The following ARMH2 variants were observed in gnomAD, a reference collection of about 807,000 sequenced individuals.
The protein encoded by ARMH2 is armadillo like helical domain containing 2, also known as armadillo-like helical domain-containing protein 2.
A neutral mutation model predicts 9.0 loss-of-function variants in ARMH2; 5 were observed. The ratio of observed to expected loss-of-function variants is 0.56; its 90% CI spans 0.29 to 1.17. The LOEUF (loss-of-function observed/expected upper bound fraction) is 1.17, where lower values mean the gene tolerates loss of function less well. Ranked by LOEUF, ARMH2 falls within the 50% of genes most tolerant of loss-of-function variation. The pLI is 0.08. For missense variants in ARMH2, 236 were observed against 268.3 expected (o/e 0.88, Z 0.84); for synonymous variants, 74 against 93.1 (o/e 0.79, Z 1.18).
At chr6:24,798,211 G>C (rs887913105) in intron 1 of ARMH2, among the ~76,000 whole-genome samples, 1 of 152,002 alleles carries the variant, frequency 6.6e-6, no homozygotes, top group African/African-American at 2.4e-5. Flanking sequence ...CTGCCTCCCG[G>C]GTTCAAGCGA....
chr6:24,797,667 G>T lies in ARMH2; in HGVS notation c.436C>A (p.Pro146Thr). ...QKRAKSLQFI[P>T]ILISFFEGRF... is the part of the protein sequence containing the mutation. ...CCTTCAAAAAAACTAATGAGAATAG[G>T]AATAAATTGCAGACTTTTGGCTCTT... The change falls in exon 2 of 2, where the codon CCT becomes ACT. Residue 146 changes from proline (P) to threonine (T), a missense_variant. Physicochemically the swap from Pro to Thr is conservative, Grantham distance 38. Transcript: ENST00000565469. 1 of 1,535,422 alleles carries T rather than the reference G, an allele frequency of 6.5e-7. No homozygotes were observed. Among genetic ancestry groups the T allele is most frequent in the Non-Finnish European group, 8.7e-7 (1 of 1,146,728 alleles).
chr6:24,797,840 G>A lies in ARMH2; in HGVS notation c.266-3C>T, dbSNP rs947294598. On this transcript the variant is annotated splice_region_variant and splice_polypyrimidine_tract_variant and intron_variant, in intron 1 of 1. Transcript: ENST00000565469. ...AAAGTTCCCAGCAGGTGGTCCTCCT[G>A]TAAAACAAGCATTTGCATTTCCAGA... 14 of 1,530,272 alleles carry A rather than the reference G, an allele frequency of 9.1e-6. No homozygotes were observed. In the African/African-American group the frequency reaches 1.7e-4, roughly 18 times the overall value. The allele number at this position is 1,530,272 out of a possible 1,614,324, so 94.8% of individuals were successfully genotyped here. A position where few individuals can be genotyped will look rare whatever the true frequency, so the allele number is the denominator to read the frequency against.
At chr6:24,797,920 T>C (rs76177284) in intron 1 of ARMH2, 83 bp from the exon 2 acceptor site, 1 of 1,374,768 alleles carries the variant, frequency 7.3e-7, no homozygotes, top group East Asian at 2.5e-5. Context: ...TATGTTCATA[T>C]TCTTGTTGCC....
At chr6:24,798,497 AT>A in intron 1 of ARMH2, 95 bp downstream of exon 1, 15 of 1,316,600 alleles carry the variant, frequency 1.1e-5, no homozygotes, top group Non-Finnish European at 1.4e-5. Context: ...TGTTATCAGA[AT>A]TTTAAGATTA....
At chr6:24,798,219 C>T (rs765051403) in intron 1 of ARMH2, among the ~76,000 whole-genome samples, 1 of 152,016 alleles carries the variant, frequency 6.6e-6, no homozygotes, top group African/African-American at 2.4e-5. Context: ...CGGGTTCAAG[C>T]GATTCTCCTA....
chr6:24,798,554 G>A (rs775021240), intron 1 of ARMH2, 39 bp downstream of exon 1: 77 of 1,490,632 alleles, frequency 5.2e-5, no homozygotes, highest in Middle Eastern at 3.5e-4. Context: ...AATGAGTGTC[G>A]TGAAACACTC....
At chr6:24,798,445 C>T (rs1780513245) in intron 1 of ARMH2, 148 bp downstream of exon 1, 5 of 1,013,190 alleles carry the variant, frequency 4.9e-6, no homozygotes, top group Non-Finnish European at 5.6e-6. Flanking sequence ...GTGAATAAAA[C>T]CTGGTTGTGT....
chr6:24,798,547 G>A, intron 1 of ARMH2, 46 bp downstream of exon 1: 1 of 1,482,882 alleles, frequency 6.7e-7, no homozygotes, highest in Non-Finnish European at 8.9e-7. Context: ...GTTATAAAAT[G>A]AGTGTCGTGA....
chr6:24,797,766 A>G lies in ARMH2; in HGVS notation c.337T>C (p.Leu113=), dbSNP rs1780502563. The change falls in exon 2 of 2, where the codon TTG becomes CTG. Residue 113 remains leucine, a synonymous_variant. Transcript: ENST00000565469. ...AGCAGGATCTTTATTTTTGGTGCCAACTCCTCATCTTGCAACAAGTGAGCC... is the reference window on the plus strand; with the variant it reads ...AGCAGGATCTTTATTTTTGGTGCCAGCTCCTCATCTTGCAACAAGTGAGCC... ...EVAHLLQDEE[L]APKIKILLLQ... The G allele has an allele frequency of 1.0e-5, 16 of 1,535,260 alleles. No homozygotes were observed. Among genetic ancestry groups the G allele is most frequent in the African/African-American group, 1.4e-5 (1 of 73,074 alleles).
chr6:24,798,180 G>A (rs1157338981), intron 1 of ARMH2, among the ~76,000 whole-genome samples: 20 of 151,740 alleles, frequency 1.3e-4, no homozygotes, highest in African/African-American at 3.9e-4. Flanking sequence ...GCAATGGCAC[G>A]ATCTCAGCTC....
At chr6:24,797,916 C>T in intron 1 of ARMH2, 79 bp from the exon 2 acceptor site, 2 of 1,391,638 alleles carry the variant, frequency 1.4e-6, no homozygotes, top group Non-Finnish European at 1.9e-6. Context: ...CTTATATGTT[C>T]ATATTCTTGT....
At chr6:24,798,507 T>G in intron 1 of ARMH2, 86 bp downstream of exon 1, 1 of 1,360,086 alleles carries the variant, frequency 7.4e-7, no homozygotes, top group South Asian at 1.5e-5. Flanking sequence ...ATTTTAAGAT[T>G]ACAGCTAAGA....
rs763844447 is a variant in ARMH2, at chr6:24,797,481, C to T, written c.622G>A (p.Glu208Lys). 8 of 1,535,496 alleles carry T rather than the reference C, an allele frequency of 5.2e-6. No individual in the cohort carries two copies. The East Asian group carries it at 1.7e-4, about 33-fold the overall frequency. ...LKYHLQMLAA[E>K]NWSGWTENFA... ...TTCTCTGTCCATCCAGACCAATTCT[C>T]AGCAGCCAACATTTGCAAATGATAT... is the stretch of plus-strand genomic sequence containing the variant. The change falls in exon 2 of 2, where the codon GAG becomes AAG. Residue 208 changes from glutamate to lysine, a missense_variant. Coordinates refer to ENST00000565469, the MANE Select transcript of ARMH2 (RefSeq NM_001282492.2).
At chr6:24,798,071 T>A (rs1780506606) in intron 1 of ARMH2, among the ~76,000 whole-genome samples, 1 of 151,874 alleles carries the variant, frequency 6.6e-6, no homozygotes, top group Admixed American at 6.6e-5. Context: ...CTTGCTGGTC[T>A]CCTCCCTGGT....
chr6:24,797,478 T>G lies in ARMH2; in HGVS notation c.625A>C (p.Asn209His). Residue 209 changes from asparagine to histidine, a missense_variant, in exon 2 of 2, where the codon AAT becomes CAT. Transcript: ENST00000565469. ...KYHLQMLAAE[N>H]WSGWTENFAE... Reference sequence around the variant, plus strand: ...AAATTCTCTGTCCATCCAGACCAATTCTCAGCAGCCAACATTTGCAAATGA... The same window carrying G: ...AAATTCTCTGTCCATCCAGACCAATGCTCAGCAGCCAACATTTGCAAATGA... 1 of 1,535,468 alleles carries G rather than the reference T, an allele frequency of 6.5e-7. No homozygotes were observed. Among genetic ancestry groups the G allele is most frequent in the Non-Finnish European group, 8.7e-7 (1 of 1,146,736 alleles).
chr6:24,798,190 C>T (rs924508139), intron 1 of ARMH2, among the ~76,000 whole-genome samples: 2 of 151,968 alleles, frequency 1.3e-5, no homozygotes, highest in African/African-American at 2.4e-5. Flanking sequence ...GATCTCAGCT[C>T]ACTGCAACCT....
chr6:24,798,392 C>G (rs561514933), intron 1 of ARMH2, among the ~76,000 whole-genome samples: 2 of 152,268 alleles, frequency 1.3e-5, no homozygotes, highest in East Asian at 3.9e-4. Context: ...GCTGGGATTA[C>G]AGGCGTGAGC....
chr6:24,797,734 C>G lies in ARMH2; in HGVS notation c.369G>C (p.Gln123His). The G allele has an allele frequency of 6.5e-7, 1 of 1,535,486 alleles. No individual in the cohort carries two copies. The highest frequency in any genetic ancestry group is 8.7e-7 in the Non-Finnish European group (1 of 1,146,736). ...TTAAGTAACACCAACATGCCACACT[C>G]TGGAGCAGCAGGATCTTTATTTTTG... ...LAPKIKILLL[Q>H]SVACWCYLNP... The change falls in exon 2 of 2, where the codon CAG becomes CAC. Residue 123 changes from glutamine to histidine, a missense_variant. Coordinates refer to ENST00000565469, the MANE Select transcript of ARMH2 (RefSeq NM_001282492.2).
At chr6:24,797,973 TC>T in intron 1 of ARMH2, 136 bp from the exon 2 acceptor site, 1 of 906,450 alleles carries the variant, frequency 1.1e-6, no homozygotes, top group Non-Finnish European at 1.6e-6. Flanking sequence ...CCTGTCGTTT[TC>T]CCCCACCTCC....
Sources: allele counts gnomAD v4.1 joint callset (sites outside exome capture counted in the v4.1 genomes callset), GRCh38; gene constraint gnomAD v4.1.1; transcripts MANE v1.5; gene names NCBI Gene and HGNC (gene_info 2026-07-23, HGNC 2026-07-21).